Variants in CHST11 observed in about 807,000 individuals in gnomAD.
The protein encoded by CHST11 is carbohydrate sulfotransferase 11.
Under a neutral mutation model 30.4 loss-of-function variants are expected in CHST11, and 9 were observed. The ratio of observed to expected loss-of-function variants is 0.30; its 90% CI spans 0.18 to 0.52. The LOEUF (loss-of-function observed/expected upper bound fraction) is 0.52. Among genes scored for constraint, CHST11 ranks in the 20% least tolerant of loss-of-function variants. CHST11 has a pLI of 0.97. For missense variants in CHST11, 348 were observed against 460.6 expected (o/e 0.76, Z 2.24); for synonymous variants, 152 against 187.8 (o/e 0.81, Z 1.56).
intron 1 of CHST11, among the ~76,000 whole-genome samples, chr12:104,545,082 C>A (rs185322767): frequency 2.8e-4 from 43 of 152,290 alleles, no homozygotes; most frequent in Admixed American, 1.8e-3. Flanking sequence ...AGGCACAAAT[C>A]CTGTCTGAGC....
At chr12:104,459,381 G>A (rs1449065398) in intron 1 of CHST11, among the ~76,000 whole-genome samples, 1 of 152,188 alleles carries the variant, frequency 6.6e-6, no homozygotes, top group Non-Finnish European at 1.5e-5. Context: ...ACAAGGGGCC[G>A]GTGATTTGGT....
rs1566068255 is a variant in CHST11, at chr12:104,757,770, T to C, written c.1026T>C (p.Asn342=). 6.2e-7 allele frequency: 1 copy of C among 1,614,048 alleles called. No individual in the cohort carries two copies. Among genetic ancestry groups the C allele is most frequent in the Non-Finnish European group, 8.5e-7 (1 of 1,179,956 alleles). The change falls in exon 3 of 3, where the codon AAT becomes AAC. Residue 342 remains asparagine (N), a synonymous_variant. Transcript: ENST00000303694. The surrounding 1 kb of genome is among the most constrained non-coding windows in gnomAD (Gnocchi z 6.5). ...EVYKLDFLMF[N]YSVPSYLKLE is the part of the protein sequence containing the mutation. Reference sequence around the variant, plus strand: ...ACAAACTCGATTTTTTAATGTTCAATTACTCAGTGCCAAGCTACCTGAAAT... The same window carrying C: ...ACAAACTCGATTTTTTAATGTTCAACTACTCAGTGCCAAGCTACCTGAAAT...
chr12:104,671,291 G>T (rs1439965117), intron 2 of CHST11, among the ~76,000 whole-genome samples: 1 of 152,184 alleles, frequency 6.6e-6, no homozygotes, highest in East Asian at 1.9e-4. Flanking sequence ...GTAGGGAAAA[G>T]CCTGGAGCAG....
chr12:104,682,990 G>A (rs1339797643), intron 2 of CHST11, among the ~76,000 whole-genome samples: 2 of 152,190 alleles, frequency 1.3e-5, no homozygotes, highest in African/African-American at 4.8e-5. Flanking sequence ...TATCTTCACG[G>A]GAGTGTTATG....
At chr12:104,490,275 C>T (rs11614905) in intron 1 of CHST11, among the ~76,000 whole-genome samples, 15,885 of 152,170 alleles carry the variant, frequency 0.1, 1,022 homozygotes, top group East Asian at 0.3. Context: ...CTTTCCCACC[C>T]TCTGGTGTGT....
At chr12:104,634,638 T>G (rs1021815312) in intron 2 of CHST11, among the ~76,000 whole-genome samples, 1 of 152,244 alleles carries the variant, frequency 6.6e-6, no homozygotes, top group Non-Finnish European at 1.5e-5. Context: ...GTCAAATATA[T>G]ACTGGCTGGG....
chr12:104,599,152 C>A (rs1413113804), intron 1 of CHST11, among the ~76,000 whole-genome samples: 1 of 152,206 alleles, frequency 6.6e-6, no homozygotes, highest in African/African-American at 2.4e-5. Flanking sequence ...GCCCCTTTAG[C>A]TTTTGTGGTC....
chr12:104,459,036 G>A (rs963011946), intron 1 of CHST11, among the ~76,000 whole-genome samples: 1 of 152,312 alleles, frequency 6.6e-6, no homozygotes, highest in Middle Eastern at 3.4e-3. Context: ...CCAAGGATAT[G>A]GTCCGACTCT....
At chr12:104,528,991 T>C (rs2038155415) in intron 1 of CHST11, among the ~76,000 whole-genome samples, 2 of 152,172 alleles carry the variant, frequency 1.3e-5, no homozygotes. Flanking sequence ...CTCAGTCTAG[T>C]GTAGAGAGAG....
intron 1 of CHST11, among the ~76,000 whole-genome samples, chr12:104,472,847 G>T (rs2037524232): frequency 6.6e-6 from 1 of 152,038 alleles, no homozygotes; most frequent in African/African-American, 2.4e-5. Flanking sequence ...GTTGAGGTTG[G>T]CACCGGGCTC....
intron 2 of CHST11, among the ~76,000 whole-genome samples, chr12:104,717,560 T>C (rs2040140682): frequency 6.6e-6 from 1 of 151,748 alleles, no homozygotes. Flanking sequence ...GATCATGAGG[T>C]CAGGAGTTCG....
At chr12:104,560,158 T>C (rs1381691047) in intron 1 of CHST11, among the ~76,000 whole-genome samples, 2 of 152,154 alleles carry the variant, frequency 1.3e-5, no homozygotes, top group African/African-American at 4.8e-5. Flanking sequence ...AGGCAAGGGT[T>C]AGATTACATA....
chr12:104,511,062 C>T (rs997837126), intron 1 of CHST11, among the ~76,000 whole-genome samples: 9 of 152,108 alleles, frequency 5.9e-5, no homozygotes, highest in South Asian at 4.1e-4. Context: ...ATTTTCTAGA[C>T]TTTGTGTGTG....
chr12:104,750,813 T>C (rs1297269566), intron 2 of CHST11, among the ~76,000 whole-genome samples: 2 of 152,202 alleles, frequency 1.3e-5, no homozygotes, highest in Non-Finnish European at 2.9e-5. Context: ...ATTTTTATTT[T>C]TTGAGACAAG....
rs184324907 is a variant in CHST11 at position 104,497,538 on chromosome 12, T to C, written c.118+40009T>C. On this transcript the variant is annotated intron_variant, in intron 1 of 2. Transcript: ENST00000303694. ...ATGGCAGCCCAGGCAAATCAATACA[T>C]GATTAAACTCCTCTGATGCTTAAGT... is the stretch of plus-strand genomic sequence containing the variant. 1.5e-3 allele frequency among the ~76,000 whole-genome samples: 229 copies of C among 152,318 alleles called. 2 individuals carry two copies. Among genetic ancestry groups the C allele is most frequent in the Non-Finnish European group, 2.4e-3 (161 of 68,026 alleles).
intron 2 of CHST11, among the ~76,000 whole-genome samples, chr12:104,662,550 C>T (rs1368652715): frequency 2.0e-5 from 3 of 152,174 alleles, no homozygotes; most frequent in Non-Finnish European, 4.4e-5. Flanking sequence ...CATTTCCTAA[C>T]TCTTGCAATG....
At chr12:104,691,912 C>A (rs1014882624) in intron 2 of CHST11, among the ~76,000 whole-genome samples, 3 of 152,170 alleles carry the variant, frequency 2.0e-5, no homozygotes, top group African/African-American at 7.2e-5. Context: ...GGATGTGTGA[C>A]AATGTGGTGA....
At position 104,684,826 on chromosome 12, in the gene CHST11, G is replaced by C. The variant is rs775390471; in HGVS notation, c.205-72123G>C. On this transcript the variant is annotated intron_variant, in intron 2 of 2. Transcript: ENST00000303694. Reference sequence around the variant, plus strand: ...GGCCTCCCAAAGTGCTGGGATTACAGGCATGAGCCACCACCACACCCAGCC... The same window carrying C: ...GGCCTCCCAAAGTGCTGGGATTACACGCATGAGCCACCACCACACCCAGCC... Among the ~76,000 whole-genome samples, 39 of 152,188 alleles carry C rather than the reference G, an allele frequency of 2.6e-4. 1 individual carries two copies. Among genetic ancestry groups the C allele is most frequent in the Non-Finnish European group, 7.3e-5 (5 of 68,038 alleles).
At chr12:104,584,461 T>A (rs1353752284) in intron 1 of CHST11, among the ~76,000 whole-genome samples, 1 of 151,988 alleles carries the variant, frequency 6.6e-6, no homozygotes, top group Non-Finnish European at 1.5e-5. Context: ...TTTACCACGT[T>A]AGCCAGACTG....
Sources: gnomAD v4.1 joint callset for allele counts (sites outside exome capture counted in the v4.1 genomes callset) on GRCh38, gnomAD v4.1.1 for gene constraint, Gnocchi (gnomAD v3.1) non-coding constraint, MANE v1.5 for transcripts, NCBI Gene and HGNC (gene_info 2026-07-23, HGNC 2026-07-21) for gene names.